The following ARHGAP35 variants were observed in gnomAD, a reference collection of about 807,000 sequenced individuals.
The protein encoded by ARHGAP35 is Rho GTPase activating protein 35.
ARHGAP35 carries 15 observed loss-of-function variants against 111.1 expected under a neutral mutation model. The ratio of observed to expected loss-of-function variants is 0.13; its 90% CI spans 0.09 to 0.21. The LOEUF (loss-of-function observed/expected upper bound fraction) is 0.21. Ranked by LOEUF, ARHGAP35 falls within the 10% of genes least tolerant of loss-of-function variation. The probability of loss-of-function intolerance (pLI) is 1.00; values close to 1 mark genes in which losing one functional copy is unlikely to be tolerated. For missense variants in ARHGAP35, 1,262 were observed against 1,873.0 expected, an observed-to-expected ratio of 0.67 and a Z score of 6.02; for synonymous variants, 643 against 710.3, an observed-to-expected ratio of 0.91 and a Z score of 1.51.
chr19:46,895,831 G>C (rs113045351), intron 1 of ARHGAP35, among the ~76,000 whole-genome samples: 2 of 152,162 alleles, frequency 1.3e-5, no homozygotes, highest in African/African-American at 4.8e-5. Flanking sequence ...GGCCAGGTGC[G>C]GTGGCTCATG....
intron 3 of ARHGAP35, among the ~76,000 whole-genome samples, chr19:46,959,634 G>A (rs981849943): frequency 3.3e-5 from 5 of 150,656 alleles, no homozygotes; most frequent in East Asian, 2.0e-4. Flanking sequence ...TCCTGACCTC[G>A]GGTGATCCAC....
rs1312756969 is a variant in ARHGAP35, at chr19:46,863,142, C to T, written c.-189+1933C>T. On this transcript the variant is annotated intron_variant, in intron 1 of 6. Transcript: ENST00000672722. ...CAGACCTGCTCCTCGCAGCTCACCA[C>T]CCGTGGCCCACCCATTCCCCATTGA... Among the ~76,000 whole-genome samples the T allele has an allele frequency of 5.3e-5, 8 of 151,998 alleles. No individual in the cohort carries two copies. In the South Asian group the frequency reaches 1.7e-3, roughly 32 times the overall value.
intron 2 of ARHGAP35, among the ~76,000 whole-genome samples, chr19:46,930,410 A>G (rs1158782236): frequency 7.5e-6 from 1 of 132,926 alleles, no homozygotes; most frequent in African/African-American, 2.9e-5. Context: ...CCACCACCCC[A>G]CCTGCTTCCA....
intron 1 of ARHGAP35, among the ~76,000 whole-genome samples, chr19:46,915,926 ACT>A (rs1158594718): frequency 7.0e-6 from 1 of 143,004 alleles, no homozygotes; most frequent in African/African-American, 2.6e-5. Flanking sequence ...AGGAATCCAA[ACT>A]CTTTTTTTTT....
At chr19:46,864,686 C>G (rs959174948) in intron 1 of ARHGAP35, among the ~76,000 whole-genome samples, 1 of 152,190 alleles carries the variant, frequency 6.6e-6, no homozygotes, top group Non-Finnish European at 1.5e-5. Context: ...AATTTTCTGA[C>G]AGAATCTGGT....
rs192739982 is a variant in ARHGAP35 at position 46,923,800 on chromosome 19, A to G, written c.3681+1444A>G. Among the ~76,000 whole-genome samples the G allele has an allele frequency of 2.0e-3, 308 of 152,070 alleles. 1 individual carries two copies. Among genetic ancestry groups the G allele is most frequent in the Non-Finnish European group, 2.5e-3 (172 of 67,974 alleles). On this transcript the variant is annotated intron_variant, in intron 2 of 6. Coordinates refer to ENST00000672722, the MANE Select transcript of ARHGAP35 (RefSeq NM_004491.5). ...GCTGGGCGTGGTGGCAGGCGCCTAT[A>G]GTCCCAGCTACTCAGGAGGCTGAGG...
At chr19:46,933,549 C>T (rs1007491208) in intron 2 of ARHGAP35, among the ~76,000 whole-genome samples, 4 of 152,180 alleles carry the variant, frequency 2.6e-5, no homozygotes, top group Admixed American at 6.6e-5. Flanking sequence ...GCACAGGTTT[C>T]GCAGTCATAC....
rs931232001 is a variant in ARHGAP35, at chr19:47,001,726, C to T, written c.*1038C>T. The T allele has an allele frequency of 1.6e-5, 5 of 306,358 alleles. No homozygotes were observed. Among genetic ancestry groups the T allele is most frequent in the Non-Finnish European group, 3.2e-5 (5 of 155,696 alleles). The allele number at this position is 306,358 out of a possible 1,614,324, so 19.0% of individuals were successfully genotyped here. A position where few individuals can be genotyped will look rare whatever the true frequency, so the allele number is the denominator to read the frequency against. ...GATAGAAACACTAATTGAGCATGTG[C>T]GTGGGGTGGGGGTGTGTGTGCACAT... On this transcript the variant is annotated 3_prime_UTR_variant, in exon 7 of 7. Transcript: ENST00000672722. This position sits in a 1 kb window ranked among gnomAD's most constrained non-coding sequence, Gnocchi z 5.4.
chr19:46,969,990 CTG>C (rs1354846363), intron 3 of ARHGAP35, among the ~76,000 whole-genome samples: 3 of 152,204 alleles, frequency 2.0e-5, no homozygotes, highest in Admixed American at 6.5e-5. Flanking sequence ...CCCTACTGAA[CTG>C]TGAGGAATTG....
chr19:46,926,434 T>C lies in ARHGAP35; in HGVS notation c.3681+4078T>C, dbSNP rs1213929083. Among the ~76,000 whole-genome samples the C allele has an allele frequency of 1.3e-5, 2 of 152,208 alleles. No individual in the cohort carries two copies. Among genetic ancestry groups the C allele is most frequent in the African/African-American group, 4.8e-5 (2 of 41,452 alleles). On this transcript the variant is annotated intron_variant, in intron 2 of 6. Transcript: ENST00000672722. The surrounding 1 kb of genome is among the most constrained non-coding windows in gnomAD (Gnocchi z 4.1). ...ACATGGTCTCTGTCTCCCAGTGCCA[T>C]GCGTTTGCAAAGACGAGATCAGGAT...
In ARHGAP35 at chr19:46,906,367, A is replaced by T. The variant is rs186613339; in HGVS notation, c.-188-12121A>T. 4.5e-4 allele frequency among the ~76,000 whole-genome samples: 69 copies of T among 152,256 alleles called. No individual in the cohort carries two copies. The East Asian group carries it at 5.8e-3, about 13-fold the overall frequency. On this transcript the variant is annotated intron_variant, in intron 1 of 6. Coordinates refer to ENST00000672722, the MANE Select transcript of ARHGAP35 (RefSeq NM_004491.5). ...TGCTCTCTTGAGGCTGAAAGGTCTG[A>T]CATGCCACCTGTTGAGTCTTAAAAC...
intron 3 of ARHGAP35, among the ~76,000 whole-genome samples, chr19:46,944,974 G>T (rs188726900): frequency 2.0e-4 from 30 of 152,316 alleles, no homozygotes; most frequent in African/African-American, 6.7e-4. Flanking sequence ...GAAATGACCA[G>T]AGAGTAGAAC....
chr19:46,995,244 G>A (rs1186783971), intron 5 of ARHGAP35, among the ~76,000 whole-genome samples: 2 of 152,080 alleles, frequency 1.3e-5, no homozygotes, highest in African/African-American at 2.4e-5. Flanking sequence ...GTGAAACCCC[G>A]TCTCTACTAA....
Position 46,875,123 on chromosome 19 carries a change from T to G in ARHGAP35, c.-189+13914T>G, listed in dbSNP as rs186492052. Among the ~76,000 whole-genome samples the G allele has an allele frequency of 1.1e-3, 169 of 152,228 alleles. 2 individuals carry two copies. In the Middle Eastern group the frequency reaches 0.02, roughly 18 times the overall value. On this transcript the variant is annotated intron_variant, in intron 1 of 6. Transcript: ENST00000672722. ...CACCGCACCTGGCCCCATTTTGTGT[T>G]GGATAAGCAATAATTTTAAAGTTTA...
At chr19:46,892,123 T>TAA (rs1178888092) in intron 1 of ARHGAP35, among the ~76,000 whole-genome samples, 17 of 53,898 alleles carry the variant, frequency 3.2e-4, no homozygotes, top group Admixed American at 4.5e-4. Context: ...CTGTCTCTAC[T>TAA]AAAAAAAAAA....
rs184365706 is a variant in ARHGAP35, at chr19:46,940,477, G to A, written c.3826+3069G>A. Among the ~76,000 whole-genome samples, 258 of 151,620 alleles carry A rather than the reference G, an allele frequency of 1.7e-3. 1 individual carries two copies. The highest frequency in any genetic ancestry group is 5.9e-3 in the African/African-American group (244 of 41,328). On this transcript the variant is annotated intron_variant, in intron 3 of 6. Transcript: ENST00000672722. ...CAGAAGGCAGTGGTTGGAATGAGCCGAGATCACGCCACTGCACTCCAGCCT... is the reference window on the plus strand; with the variant it reads ...CAGAAGGCAGTGGTTGGAATGAGCCAAGATCACGCCACTGCACTCCAGCCT...
intron 1 of ARHGAP35, among the ~76,000 whole-genome samples, chr19:46,902,864 T>C (rs1398245920): frequency 6.6e-6 from 1 of 152,220 alleles, no homozygotes; most frequent in African/African-American, 2.4e-5. Context: ...TGTATATGAT[T>C]CTTCACTGGG....
intron 1 of ARHGAP35, among the ~76,000 whole-genome samples, chr19:46,882,556 C>CA (rs1226921485): frequency 6.6e-6 from 1 of 152,148 alleles, no homozygotes; most frequent in Non-Finnish European, 1.5e-5. Flanking sequence ...TATAGGTATA[C>CA]ATGTGCCATT....
intron 1 of ARHGAP35, among the ~76,000 whole-genome samples, chr19:46,861,988 C>A (rs979643630): frequency 6.6e-6 from 1 of 152,176 alleles, no homozygotes; most frequent in East Asian, 1.9e-4. Context: ...GCTTTCTGAC[C>A]CTTCCGTGCC....
Sources: allele counts gnomAD v4.1 joint callset (sites outside exome capture counted in the v4.1 genomes callset), GRCh38; gene constraint gnomAD v4.1.1; non-coding constraint Gnocchi (gnomAD v3.1); transcripts MANE v1.5; gene names NCBI Gene and HGNC (gene_info 2026-07-23, HGNC 2026-07-21).